Variants in SUPT3H observed in about 807,000 individuals in gnomAD.
SUPT3H encodes SPT3 homolog, SAGA and STAGA complex component, also known as transcription initiation protein SPT3 homolog.
In SUPT3H, 44 loss-of-function variants were observed where a neutral mutation model predicts 44.3. The observed-to-expected ratio is 0.99, with a 90% CI of 0.78 to 1.28. The LOEUF is 1.28. Among genes scored for constraint, SUPT3H ranks in the 50% most tolerant of loss-of-function variants. The pLI is 0.00. For synonymous variants in SUPT3H, 124 were observed against 125.6 expected (o/e 0.99, Z 0.09); for missense variants, 380 against 387.1 (o/e 0.98, Z 0.15).
chr6:44,929,282 A>G (rs1461100610), intron 10 of SUPT3H, among the ~76,000 whole-genome samples: 2 of 152,188 alleles, frequency 1.3e-5, no homozygotes, highest in Admixed American at 1.3e-4. Context: ...TAAAGTAGAC[A>G]GAAAGATGAC....
intron 3 of SUPT3H, among the ~76,000 whole-genome samples, chr6:45,067,454 T>C (rs1240594805): frequency 7.4e-6 from 1 of 135,912 alleles, no homozygotes; most frequent in South Asian, 2.3e-4. Flanking sequence ...AAAGCCAAAA[T>C]TGACAACTGG....
chr6:45,032,431 A>C (rs951577946), intron 3 of SUPT3H, among the ~76,000 whole-genome samples: 2 of 152,182 alleles, frequency 1.3e-5, no homozygotes, highest in African/African-American at 2.4e-5. Context: ...CTATACCTGC[A>C]TAAGTATTGC....
chr6:44,906,772 CAA>C, intron 10 of SUPT3H, among the ~76,000 whole-genome samples: 1 of 151,914 alleles, frequency 6.6e-6, no homozygotes, highest in East Asian at 1.9e-4. Context: ...AAAAAACAAA[CAA>C]AAAAAATTCA....
At chr6:45,005,569 G>A (rs1183081862) in intron 5 of SUPT3H, among the ~76,000 whole-genome samples, 3 of 151,842 alleles carry the variant, frequency 2.0e-5, no homozygotes. Context: ...GAGAGACCCT[G>A]TGTCTACTAT....
At chr6:45,018,921 C>T (rs375107245) in intron 4 of SUPT3H, among the ~76,000 whole-genome samples, 2 of 151,744 alleles carry the variant, frequency 1.3e-5, no homozygotes, top group African/African-American at 2.4e-5. Flanking sequence ...CAGAAGGAAT[C>T]GTACCAGTTC....
intron 2 of SUPT3H, among the ~76,000 whole-genome samples, chr6:45,337,968 A>C (rs865926698): frequency 6.6e-6 from 1 of 151,994 alleles, no homozygotes; most frequent in Non-Finnish European, 1.5e-5. Flanking sequence ...ATTTTAAAGG[A>C]TTCTAAATGC....
At chr6:45,168,893 T>C (rs755075783) in intron 2 of SUPT3H, among the ~76,000 whole-genome samples, 11 of 152,202 alleles carry the variant, frequency 7.2e-5, no homozygotes, top group Non-Finnish European at 1.3e-4. Context: ...TTAAATTTTT[T>C]CAAAAAATCA....
chr6:45,003,508 A>T (rs1782280996), intron 6 of SUPT3H, 145 bp downstream of exon 6: 2 of 859,804 alleles, frequency 2.3e-6, no homozygotes, highest in African/African-American at 1.7e-5. Flanking sequence ...TCAGGGGCTG[A>T]TCCTCTGCAC....
intron 2 of SUPT3H, among the ~76,000 whole-genome samples, chr6:45,244,507 T>C (rs886301022): frequency 1.3e-5 from 2 of 152,174 alleles, no homozygotes; most frequent in African/African-American, 2.4e-5. Flanking sequence ...CTTGTATAAG[T>C]GAACATTTTA....
chr6:44,830,450 G>T (rs765859966), intron 10 of SUPT3H, among the ~76,000 whole-genome samples: 31 of 152,138 alleles, frequency 2.0e-4, no homozygotes, highest in Non-Finnish European at 3.8e-4. Context: ...TGTACACATG[G>T]ATATGCATGG....
chr6:44,846,709 G>A (rs1230876007), intron 10 of SUPT3H, among the ~76,000 whole-genome samples: 1 of 151,690 alleles, frequency 6.6e-6, no homozygotes, highest in African/African-American at 2.4e-5. Flanking sequence ...CTGGCTCACT[G>A]CAACCTCCGC....
intron 10 of SUPT3H, among the ~76,000 whole-genome samples, chr6:44,833,042 C>T (rs962985557): frequency 7.2e-5 from 11 of 151,946 alleles, no homozygotes; most frequent in South Asian, 2.1e-4. Flanking sequence ...TTTGTAGTTC[C>T]GACTTAAATA....
Position 45,084,271 on chromosome 6 carries a change from T to C in SUPT3H, c.186+21651A>G, listed in dbSNP as rs142646782. Among the ~76,000 whole-genome samples, 187 of 152,190 alleles carry C rather than the reference T, an allele frequency of 1.2e-3. 1 individual carries two copies. The highest frequency in any genetic ancestry group is 2.3e-3 in the Non-Finnish European group (153 of 67,988). On this transcript the variant is annotated intron_variant, in intron 3 of 10. Coordinates refer to ENST00000371459, the MANE Select transcript of SUPT3H (RefSeq NM_003599.4). ...GACAAAGGTCTACGTCTAGAATCTA[T>C]AAGGAACTTAAACAATCCAACAAGC...
At chr6:45,338,472 CTA>C (rs1239132078) in intron 2 of SUPT3H, among the ~76,000 whole-genome samples, 1 of 151,884 alleles carries the variant, frequency 6.6e-6, no homozygotes, top group East Asian at 1.9e-4. Flanking sequence ...GCTGATGGTA[CTA>C]TATTTTGAAT....
chr6:45,263,977 C>T (rs1774832302), intron 2 of SUPT3H, among the ~76,000 whole-genome samples: 1 of 152,072 alleles, frequency 6.6e-6, no homozygotes, highest in Admixed American at 6.6e-5. Context: ...TGAATACCTT[C>T]CAGAGGATCG....
intron 3 of SUPT3H, among the ~76,000 whole-genome samples, chr6:45,026,273 C>T (rs888503271): frequency 2.0e-5 from 3 of 152,006 alleles, no homozygotes; most frequent in African/African-American, 7.2e-5. Flanking sequence ...ACTGAAAGAA[C>T]CTGGAGTTAA....
At chr6:44,944,785 AG>A (rs1562102307) in intron 9 of SUPT3H, among the ~76,000 whole-genome samples, 64 of 134,980 alleles carry the variant, frequency 4.7e-4, no homozygotes, top group South Asian at 1.2e-3. Context: ...AAAAAAAAAA[AG>A]AAAAGAAAAA....
intron 2 of SUPT3H, among the ~76,000 whole-genome samples, chr6:45,173,143 A>T (rs1811106279): frequency 6.6e-6 from 1 of 152,212 alleles, no homozygotes; most frequent in African/African-American, 2.4e-5. Context: ...GATTTCTTAA[A>T]AAAAACACTG....
chr6:45,247,926 T>C (rs904604143), intron 2 of SUPT3H, among the ~76,000 whole-genome samples: 2 of 152,106 alleles, frequency 1.3e-5, no homozygotes, highest in African/African-American at 4.8e-5. Flanking sequence ...CAAAGAAATA[T>C]AGTCAATTGA....
Sources: gnomAD v4.1 joint callset for allele counts (sites outside exome capture counted in the v4.1 genomes callset) on GRCh38, gnomAD v4.1.1 for gene constraint, MANE v1.5 for transcripts, NCBI Gene and HGNC (gene_info 2026-07-23, HGNC 2026-07-21) for gene names.